CCDC85A: variants seen among roughly 807,000 people sequenced by gnomAD.
CCDC85A encodes coiled-coil domain-containing protein 85A.
Under a neutral mutation model 50.2 loss-of-function variants are expected in CCDC85A, and 38 were observed. The ratio of observed to expected loss-of-function variants is 0.76; its 90% CI spans 0.58 to 0.99. The LOEUF is 0.99. Ranked by LOEUF, CCDC85A falls within the 50% of genes least tolerant of loss-of-function variation. The probability of loss-of-function intolerance (pLI) is 0.00; values close to 1 mark genes in which losing one functional copy is unlikely to be tolerated. For synonymous variants in CCDC85A, 366 were observed against 301.4 expected (o/e 1.21, Z -2.22); for missense variants, 820 against 742.0 (o/e 1.11, Z -1.22).
At chr2:56,308,095 G>C (rs1376557203) in intron 2 of CCDC85A, among the ~76,000 whole-genome samples, 1 of 152,168 alleles carries the variant, frequency 6.6e-6, no homozygotes. Flanking sequence ...TGGAGACTTG[G>C]TGGTTTGACA....
intron 3 of CCDC85A, among the ~76,000 whole-genome samples, chr2:56,359,895 T>C (rs1675435876): frequency 6.6e-6 from 1 of 152,198 alleles, no homozygotes; most frequent in African/African-American, 2.4e-5. Context: ...CATCTGTTCA[T>C]TGGGAATCTG....
chr2:56,195,919 T>A (rs34276233), intron 2 of CCDC85A, among the ~76,000 whole-genome samples: 1 of 152,272 alleles, frequency 6.6e-6, no homozygotes, highest in Admixed American at 6.5e-5. Context: ...CAGGATATTG[T>A]CCTACCTGTA....
At chr2:56,268,635 A>G (rs1027708931) in intron 2 of CCDC85A, among the ~76,000 whole-genome samples, 7 of 151,730 alleles carry the variant, frequency 4.6e-5, no homozygotes, top group Non-Finnish European at 1.0e-4. Flanking sequence ...GAAGAAAAAA[A>G]TGACAAAGTT....
In CCDC85A at chr2:56,236,439, G is replaced by A. The variant is rs1669019733; in HGVS notation, c.1240+42999G>A. Among the ~76,000 whole-genome samples the A allele has an allele frequency of 2.0e-5, 3 of 152,140 alleles. No homozygotes were observed. The South Asian group carries it at 6.2e-4, about 32-fold the overall frequency. ...ACTTCTATAATCCTTTTCTGACTTG[G>A]CCTTCTTCATAAGGTGGAATTTAGG... is the stretch of plus-strand genomic sequence containing the variant. On this transcript the variant is annotated intron_variant, in intron 2 of 5. Transcript: ENST00000407595.
At chr2:56,340,981 C>G (rs1674338016) in intron 2 of CCDC85A, among the ~76,000 whole-genome samples, 1 of 151,098 alleles carries the variant, frequency 6.6e-6, no homozygotes, top group Admixed American at 6.6e-5. Flanking sequence ...ATCAAGTGCA[C>G]TGTTTGACCT....
intron 2 of CCDC85A, among the ~76,000 whole-genome samples, chr2:56,249,144 C>T (rs910580812): frequency 6.6e-6 from 1 of 152,184 alleles, no homozygotes; most frequent in Non-Finnish European, 1.5e-5. Context: ...GGGAAGCTAG[C>T]GGTCTGGACA....
chr2:56,251,852 C>T (rs1204118887), intron 2 of CCDC85A, among the ~76,000 whole-genome samples: 5 of 151,930 alleles, frequency 3.3e-5, no homozygotes, highest in Non-Finnish European at 4.4e-5. Flanking sequence ...GTGGAATGCC[C>T]GTAGCAGGAG....
intron 2 of CCDC85A, among the ~76,000 whole-genome samples, chr2:56,225,512 A>G (rs1558593374): frequency 6.6e-6 from 1 of 152,138 alleles, no homozygotes; most frequent in African/African-American, 2.4e-5. Context: ...TCCTTATGCC[A>G]GTACCAGAGT....
At chr2:56,274,775 G>C (rs900477658) in intron 2 of CCDC85A, among the ~76,000 whole-genome samples, 1 of 152,136 alleles carries the variant, frequency 6.6e-6, no homozygotes, top group Admixed American at 6.6e-5. Flanking sequence ...AATACCCTAA[G>C]ACTGTGGGGG....
At chr2:56,224,123 A>G (rs891625322) in intron 2 of CCDC85A, among the ~76,000 whole-genome samples, 2 of 152,140 alleles carry the variant, frequency 1.3e-5, no homozygotes, top group African/African-American at 2.4e-5. Flanking sequence ...GTTATTTCCA[A>G]TCTTCCCTCA....
intron 3 of CCDC85A, among the ~76,000 whole-genome samples, chr2:56,345,904 G>C (rs1674609256): frequency 6.6e-6 from 1 of 152,202 alleles, no homozygotes. Context: ...TAGAACACTT[G>C]ATTTTCAGTT....
chr2:56,232,345 A>C (rs993714234), intron 2 of CCDC85A, among the ~76,000 whole-genome samples: 7 of 152,086 alleles, frequency 4.6e-5, no homozygotes, highest in African/African-American at 7.2e-5. Context: ...GTTCAAACCA[A>C]ATATCTCCTA....
At chr2:56,322,147 A>G (rs1192372268) in intron 2 of CCDC85A, among the ~76,000 whole-genome samples, 1 of 152,234 alleles carries the variant, frequency 6.6e-6, no homozygotes, top group African/African-American at 2.4e-5. Flanking sequence ...TCAATTCAAG[A>G]TGGATTAAAG....
chr2:56,358,464 A>T (rs1317195624), intron 3 of CCDC85A, among the ~76,000 whole-genome samples: 4 of 152,210 alleles, frequency 2.6e-5, no homozygotes, highest in Non-Finnish European at 5.9e-5. Flanking sequence ...AGACTATTCC[A>T]ATCTGCAGTG....
chr2:56,184,735 C>A lies in CCDC85A; in HGVS notation c.111C>A (p.Ser37=). ...AAPPAPVEDL[S]KVSDEELLQW... is the part of the protein sequence containing the mutation. ...CGCCCGCGCCGGTGGAGGACCTGTC[C>A]AAAGTGTCGGACGAGGAGCTGCTGC... The change falls in exon 1 of 6, where the codon TCC becomes TCA. Residue 37 remains serine (S), a synonymous_variant. Coordinates refer to ENST00000407595, the MANE Select transcript of CCDC85A (RefSeq NM_001080433.2). 6.5e-7 allele frequency: 1 copy of A among 1,542,604 alleles called. No individual in the cohort carries two copies. Among genetic ancestry groups the A allele is most frequent in the African/African-American group, 1.4e-5 (1 of 71,918 alleles).
At chr2:56,197,997 C>T (rs762494234) in intron 2 of CCDC85A, among the ~76,000 whole-genome samples, 4 of 149,470 alleles carry the variant, frequency 2.7e-5, no homozygotes, top group Non-Finnish European at 5.9e-5. Context: ...TGGGTATTTC[C>T]CACAAGAGAA....
At chr2:56,317,327 A>G (rs1672966704) in intron 2 of CCDC85A, among the ~76,000 whole-genome samples, 3 of 152,252 alleles carry the variant, frequency 2.0e-5, no homozygotes, top group Middle Eastern at 3.4e-3. Context: ...TACTTTCCAT[A>G]TTAAGGAACA....
At chr2:56,276,219 A>G (rs540707695) in intron 2 of CCDC85A, among the ~76,000 whole-genome samples, 57 of 152,224 alleles carry the variant, frequency 3.7e-4, no homozygotes, top group South Asian at 3.7e-3. Flanking sequence ...GAATATGGCA[A>G]TTTCAGGATT....
chr2:56,357,997 A>G (rs1675322771), intron 3 of CCDC85A, among the ~76,000 whole-genome samples: 1 of 152,180 alleles, frequency 6.6e-6, no homozygotes, highest in South Asian at 2.1e-4. Context: ...TCTATTTTGC[A>G]GGTGAGAGAA....
Sources: allele counts gnomAD v4.1 joint callset (sites outside exome capture counted in the v4.1 genomes callset), GRCh38; gene constraint gnomAD v4.1.1; transcripts MANE v1.5; gene names NCBI Gene and HGNC (gene_info 2026-07-23, HGNC 2026-07-21).